RBFOX1: variants seen among roughly 807,000 people sequenced by gnomAD.
RBFOX1 encodes RNA binding fox-1 homolog 1.
In RBFOX1, 8 loss-of-function variants were observed where a neutral mutation model predicts 57.7. The observed-to-expected ratio is 0.14, with a 90% CI of 0.08 to 0.25. The LOEUF (loss-of-function observed/expected upper bound fraction) is 0.25, where lower values mean the gene tolerates loss of function less well. RBFOX1 is among the 10% of genes least tolerant of loss of function. The probability of loss-of-function intolerance (pLI) is 1.00; values close to 1 mark genes in which losing one functional copy is unlikely to be tolerated. For missense variants in RBFOX1, 611 were observed against 548.5 expected (o/e 1.11, Z -1.14); for synonymous variants, 326 against 222.4 (o/e 1.47, Z -4.15).
intron 3 of RBFOX1, among the ~76,000 whole-genome samples, chr16:6,825,853 T>TG (rs1450688366): frequency 3.3e-5 from 5 of 152,314 alleles, no homozygotes; most frequent in African/African-American, 1.2e-4. Flanking sequence ...GAAGGAGGAA[T>TG]GAATATCCTT....
intron 4 of RBFOX1, among the ~76,000 whole-genome samples, chr16:7,338,674 T>A (rs561115368): frequency 1.1e-4 from 16 of 152,354 alleles, no homozygotes; most frequent in Non-Finnish European, 2.9e-5. Flanking sequence ...ATGTATTTTA[T>A]GAGACATCTA....
chr16:7,096,700 C>T (rs770776218), intron 4 of RBFOX1, among the ~76,000 whole-genome samples: 5 of 151,758 alleles, frequency 3.3e-5, no homozygotes, highest in African/African-American at 7.3e-5. Context: ...GGGAGGCTGA[C>T]GCAGGTATAT....
chr16:7,691,828 A>T (rs186374294), intron 14 of RBFOX1, among the ~76,000 whole-genome samples: 1 of 152,260 alleles, frequency 6.6e-6, no homozygotes, highest in Admixed American at 6.5e-5. Flanking sequence ...TGCCATAGAT[A>T]TGTGAATGCC....
chr16:6,398,639 A>G (rs1296919366), intron 2 of RBFOX1, among the ~76,000 whole-genome samples: 1 of 152,230 alleles, frequency 6.6e-6, no homozygotes, highest in African/African-American at 2.4e-5. Context: ...CTTTGACTCC[A>G]TGTCTCACTT....
At chr16:6,996,895 G>A (rs139598155) in intron 3 of RBFOX1, among the ~76,000 whole-genome samples, 1 of 152,126 alleles carries the variant, frequency 6.6e-6, no homozygotes, top group Non-Finnish European at 1.5e-5. Context: ...AGAGTTAGAA[G>A]CTGATGGAAC....
rs1174267239 is a variant in RBFOX1, at chr16:6,780,360, TAC to T, written c.-16+125712_-16+125713del. ...ATACATATTTATATACATATTTATA[TAC>T]ATATTTATAGATATATTTATACATA... is the stretch of plus-strand genomic sequence containing the variant. On this transcript the variant is annotated intron_variant, in intron 3 of 15. Transcript: ENST00000550418. Among the ~76,000 whole-genome samples the T allele has an allele frequency of 1.4e-3, 133 of 92,834 alleles. 12 individuals are homozygous for T. Among genetic ancestry groups the T allele is most frequent in the East Asian group, 3.0e-3 (6 of 1,974 alleles). The allele number at this position is 92,834 out of a possible 152,430, so 60.9% of individuals were successfully genotyped here. A position where few individuals can be genotyped will look rare whatever the true frequency, so the allele number is the denominator to read the frequency against.
chr16:6,247,125 A>G (rs189300750), intron 1 of RBFOX1, among the ~76,000 whole-genome samples: 1 of 152,194 alleles, frequency 6.6e-6, no homozygotes, highest in South Asian at 2.1e-4. Flanking sequence ...ACTTTCAATC[A>G]TATCAAGGTT....
intron 2 of RBFOX1, among the ~76,000 whole-genome samples, chr16:6,334,870 T>A (rs781494831): frequency 2.6e-5 from 4 of 152,158 alleles, no homozygotes; most frequent in Admixed American, 6.5e-5. Context: ...TCCCCTGTGG[T>A]CAAAGAGGGA....
intron 1 of RBFOX1, among the ~76,000 whole-genome samples, chr16:5,264,533 G>T (rs1395596996): frequency 3.9e-5 from 6 of 152,170 alleles, no homozygotes; most frequent in African/African-American, 1.4e-4. Flanking sequence ...GTCCTTTTTG[G>T]CGGATTGTTC....
intron 3 of RBFOX1, among the ~76,000 whole-genome samples, chr16:6,671,232 T>TA (rs751087795): frequency 1.3e-5 from 2 of 152,204 alleles, no homozygotes; most frequent in Non-Finnish European, 2.9e-5. Context: ...CCTAAATGCT[T>TA]AATCTTAAGG....
chr16:6,875,058 A>G (rs891172981), intron 3 of RBFOX1, among the ~76,000 whole-genome samples: 17 of 152,178 alleles, frequency 1.1e-4, no homozygotes, highest in Non-Finnish European at 2.1e-4. Flanking sequence ...GGTCAAGAAC[A>G]GGGCGAAAAA....
intron 1 of RBFOX1, among the ~76,000 whole-genome samples, chr16:5,440,498 A>C (rs924357848): frequency 1.3e-5 from 2 of 152,170 alleles, no homozygotes; most frequent in African/African-American, 4.8e-5. Context: ...TTTGACTTGC[A>C]TTGGAGTTTG....
intron 2 of RBFOX1, among the ~76,000 whole-genome samples, chr16:6,344,415 T>TTTTTTTTTTC (rs2152832877): frequency 7.0e-6 from 1 of 143,380 alleles, no homozygotes; most frequent in South Asian, 2.2e-4. Flanking sequence ...TTCTTTTTTT[T>TTTTTTTTTTC]TTTTGAGACA....
At chr16:7,469,146 G>C (rs1432940208) in intron 4 of RBFOX1, among the ~76,000 whole-genome samples, 1 of 152,076 alleles carries the variant, frequency 6.6e-6, no homozygotes, top group Non-Finnish European at 1.5e-5. Flanking sequence ...GTGTTAGCCA[G>C]GATGGTCTCA....
intron 1 of RBFOX1, among the ~76,000 whole-genome samples, chr16:6,045,604 A>T (rs1038048747): frequency 6.6e-6 from 1 of 152,216 alleles, no homozygotes; most frequent in African/African-American, 2.4e-5. Flanking sequence ...AGAATAAATC[A>T]ATGACAAAGA....
At chr16:7,583,030 C>G (rs914270536) in intron 6 of RBFOX1, among the ~76,000 whole-genome samples, 1 of 152,180 alleles carries the variant, frequency 6.6e-6, no homozygotes, top group African/African-American at 2.4e-5. Flanking sequence ...TTTGTATCTT[C>G]AGCACATCAT....
intron 1 of RBFOX1, among the ~76,000 whole-genome samples, chr16:6,193,359 T>C (rs1377422270): frequency 9.5e-3 from 146 of 15,370 alleles, no homozygotes; most frequent in African/African-American, 0.02. Context: ...ATATACATTA[T>C]ATATATATAT....
At chr16:6,980,040 GC>G (rs149200189) in intron 3 of RBFOX1, among the ~76,000 whole-genome samples, 5,308 of 152,218 alleles carry the variant, frequency 0.035, 333 homozygotes, top group African/African-American at 0.12. Context: ...TAACGGTGGG[GC>G]TACAGAACTG....
intron 2 of RBFOX1, among the ~76,000 whole-genome samples, chr16:6,319,008 C>T (rs949059960): frequency 7.2e-5 from 11 of 151,962 alleles, no homozygotes; most frequent in South Asian, 2.1e-4. Flanking sequence ...AATTCTGGGA[C>T]GTCGCCTGGT....
Sources: gnomAD v4.1 joint callset for allele counts (sites outside exome capture counted in the v4.1 genomes callset) on GRCh38, gnomAD v4.1.1 for gene constraint, MANE v1.5 for transcripts, NCBI Gene and HGNC (gene_info 2026-07-23, HGNC 2026-07-21) for gene names.